PCDHA3: variants seen among roughly 807,000 people sequenced by gnomAD.
PCDHA3 encodes protocadherin alpha 3, also known as protocadherin alpha-3.
Under a neutral mutation model 62.2 loss-of-function variants are expected in PCDHA3, and 41 were observed. The ratio of observed to expected loss-of-function variants is 0.66; its 90% CI spans 0.51 to 0.86. The LOEUF (loss-of-function observed/expected upper bound fraction) is 0.86, where lower values mean the gene tolerates loss of function less well. PCDHA3 is among the 40% of genes least tolerant of loss of function. The pLI is 0.00. For synonymous variants in PCDHA3, 640 were observed against 555.4 expected, an observed-to-expected ratio of 1.15 and a Z score of -2.14; for missense variants, 1,304 against 1,241.2, an observed-to-expected ratio of 1.05 and a Z score of -0.76.
At chr5:140,863,771 G>A (rs557463364) in intron 1 of PCDHA3, 111 of 240,518 alleles carry the variant, frequency 4.6e-4, no homozygotes, top group Non-Finnish European at 7.8e-4. Context: ...AGCCGAGGCG[G>A]GCGGATCACT....
At position 140,802,361 on chromosome 5, in the gene PCDHA3, G is replaced by C. The variant is rs781990973; in HGVS notation, c.1164G>C (p.Ser388=). The change falls in exon 1 of 4, where the codon TCG becomes TCC. Residue 388 remains serine (S), a synonymous_variant. Transcript: ENST00000522353. ...DSGVNGQVTC[S]LTPHVPFKLV... ...GAGTCAATGGACAGGTCACCTGCTC[G>C]CTGACGCCCCACGTCCCCTTCAAGC... is the stretch of plus-strand genomic sequence containing the variant. The C allele has an allele frequency of 1.9e-6, 3 of 1,614,220 alleles. No homozygotes were observed. The highest frequency in any genetic ancestry group is 3.3e-5 in the Admixed American group (2 of 60,024).
chr5:140,968,807 G>C (rs1327580375), intron 1 of PCDHA3: 1 of 1,614,178 alleles, frequency 6.2e-7, no homozygotes, highest in Non-Finnish European at 8.5e-7. Flanking sequence ...AGTAGCTGTG[G>C]TGGATAGGGT....
chr5:140,988,444 A>G (rs1554250146), intron 3 of PCDHA3, among the ~76,000 whole-genome samples: 1 of 152,112 alleles, frequency 6.6e-6, no homozygotes, highest in Non-Finnish European at 1.5e-5. Flanking sequence ...GATTGACCTG[A>G]AGGGAGGAAG....
At chr5:140,909,972 T>C (rs948733470) in intron 1 of PCDHA3, among the ~76,000 whole-genome samples, 1 of 152,220 alleles carries the variant, frequency 6.6e-6, no homozygotes. Context: ...TGGGGAAGGA[T>C]GGGAGAAAGA....
intron 1 of PCDHA3, chr5:140,863,602 T>G: frequency 1.4e-5 from 5 of 354,858 alleles, no homozygotes; most frequent in South Asian, 1.1e-4. Flanking sequence ...TTCATTCCTA[T>G]TAATGTCCCT....
At chr5:140,868,965 G>A (rs2050767308) in intron 1 of PCDHA3, 1 of 1,430,146 alleles carries the variant, frequency 7.0e-7, no homozygotes, top group Non-Finnish European at 9.4e-7. Flanking sequence ...CCATACAAAG[G>A]AACTCCATCA....
At chr5:140,803,772 T>A in intron 1 of PCDHA3, 181 bp downstream of exon 1, 1 of 1,050,610 alleles carries the variant, frequency 9.5e-7, no homozygotes, top group Non-Finnish European at 1.3e-6. Flanking sequence ...TTGAACCAAA[T>A]CAGCAGTAAG....
intron 1 of PCDHA3, among the ~76,000 whole-genome samples, chr5:140,962,950 C>T (rs2095723700): frequency 6.6e-6 from 1 of 152,152 alleles, no homozygotes; most frequent in African/African-American, 2.4e-5. Flanking sequence ...ATAAGATATG[C>T]TCTATCCCTA....
At chr5:140,920,959 T>G (rs2079949518) in intron 1 of PCDHA3, among the ~76,000 whole-genome samples, 1 of 152,072 alleles carries the variant, frequency 6.6e-6, no homozygotes, top group Non-Finnish European at 1.5e-5. Flanking sequence ...ACTACACATG[T>G]AGTACTAGAG....
rs551967990 is a variant in PCDHA3 at position 140,858,294 on chromosome 5, C to G, written c.2394+54703C>G. ...AGCGCGGTGGGGAGCTGGTCTTACTCGCAGCAGAGGCGGCAGAGGGTGTGT... is the reference window on the plus strand; with the variant it reads ...AGCGCGGTGGGGAGCTGGTCTTACTGGCAGCAGAGGCGGCAGAGGGTGTGT... On this transcript the variant is annotated intron_variant, in intron 1 of 3. Transcript: ENST00000522353. 3 of 1,597,466 alleles carry G rather than the reference C, an allele frequency of 1.9e-6. No individual in the cohort carries two copies. The African/African-American group carries it at 4.0e-5, about 21-fold the overall frequency.
intron 1 of PCDHA3, chr5:140,852,998 C>A (rs2150526910): frequency 6.5e-6 from 2 of 309,332 alleles, no homozygotes; most frequent in East Asian, 1.7e-4. Context: ...CCTGCCTCAG[C>A]CTCCCGAGTA....
At chr5:140,843,679 C>T (rs2150364894) in intron 1 of PCDHA3, 1 of 1,589,886 alleles carries the variant, frequency 6.3e-7, no homozygotes, top group Non-Finnish European at 8.6e-7. Flanking sequence ...TTGATGTAGG[C>T]GAAGAGCAAG....
At chr5:140,921,744 A>T (rs1554200416) in intron 1 of PCDHA3, among the ~76,000 whole-genome samples, 1 of 152,158 alleles carries the variant, frequency 6.6e-6, no homozygotes. Context: ...TATAAGCATA[A>T]CAGGACACTT....
chr5:140,994,788 C>G (rs139745274), intron 3 of PCDHA3, among the ~76,000 whole-genome samples: 1 of 152,194 alleles, frequency 6.6e-6, no homozygotes, highest in East Asian at 1.9e-4. Context: ...GGAAACAATG[C>G]GTGCATGCAA....
intron 1 of PCDHA3, among the ~76,000 whole-genome samples, chr5:140,886,698 C>A (rs578140955): frequency 2.0e-5 from 3 of 151,820 alleles, no homozygotes; most frequent in Non-Finnish European, 4.4e-5. Flanking sequence ...TGGTGGCACG[C>A]GCCTGTAATC....
intron 1 of PCDHA3, chr5:140,807,282 A>C: frequency 6.2e-7 from 1 of 1,614,210 alleles, no homozygotes; most frequent in Non-Finnish European, 8.5e-7. Flanking sequence ...GGTCAGCTCC[A>C]CTACTCGGTC....
At chr5:140,901,553 A>C (rs1387848935) in intron 1 of PCDHA3, among the ~76,000 whole-genome samples, 1 of 152,072 alleles carries the variant, frequency 6.6e-6, no homozygotes, top group African/African-American at 2.4e-5. Flanking sequence ...TGTTCCATTC[A>C]TCTATGTGTC....
intron 1 of PCDHA3, among the ~76,000 whole-genome samples, chr5:140,898,621 C>T (rs1356286726): frequency 8.5e-5 from 13 of 152,312 alleles, no homozygotes; most frequent in African/African-American, 2.6e-4. Flanking sequence ...AGTCAGGTAG[C>T]ATAATGCCTC....
intron 1 of PCDHA3, among the ~76,000 whole-genome samples, chr5:140,939,246 C>G (rs536477969): frequency 6.6e-5 from 10 of 152,230 alleles, no homozygotes; most frequent in African/African-American, 2.2e-4. Context: ...AGCAAGGTAG[C>G]TCTCTGGAAC....
Sources: gnomAD v4.1 joint callset for allele counts (sites outside exome capture counted in the v4.1 genomes callset) on GRCh38, gnomAD v4.1.1 for gene constraint, MANE v1.5 for transcripts, NCBI Gene and HGNC (gene_info 2026-07-23, HGNC 2026-07-21) for gene names.